The following GRHL2 variants were observed in gnomAD, a reference collection of about 807,000 sequenced individuals.
GRHL2 encodes grainyhead-like protein 2 homolog.
GRHL2 carries 21 observed loss-of-function variants against 83.8 expected under a neutral mutation model. The observed-to-expected ratio is 0.25, with a 90% confidence interval of 0.18 to 0.36. GRHL2 has a LOEUF of 0.36. Ranked by LOEUF, GRHL2 falls within the 10% of genes least tolerant of loss-of-function variation. The probability of loss-of-function intolerance (pLI) is 1.00; values close to 1 mark genes in which losing one functional copy is unlikely to be tolerated. For missense variants in GRHL2, 623 were observed against 781.8 expected, an observed-to-expected ratio of 0.80 and a Z score of 2.42; for synonymous variants, 280 against 278.9, an observed-to-expected ratio of 1.00 and a Z score of -0.04.
intron 4 of GRHL2, among the ~76,000 whole-genome samples, chr8:101,569,116 T>A (rs1264513322): frequency 6.6e-6 from 1 of 152,174 alleles, no homozygotes; most frequent in East Asian, 1.9e-4. Flanking sequence ...AAAATGGTCA[T>A]AGTGAAAAAA....
chr8:101,543,660 T>C, intron 2 of GRHL2: 2 of 567,320 alleles, frequency 3.5e-6, no homozygotes, highest in Non-Finnish European at 6.4e-6. Context: ...GATAATATTT[T>C]TTGTGTTCCT....
At chr8:101,500,925 C>T (rs1810216070) in intron 1 of GRHL2, among the ~76,000 whole-genome samples, 1 of 152,136 alleles carries the variant, frequency 6.6e-6, no homozygotes, top group Non-Finnish European at 1.5e-5. Flanking sequence ...TTGGGGATCT[C>T]TACCTCCCAT....
chr8:101,509,191 CT>C (rs1810411051), intron 1 of GRHL2, among the ~76,000 whole-genome samples: 1 of 43,070 alleles, frequency 2.3e-5, no homozygotes, highest in Admixed American at 2.8e-4. Flanking sequence ...TTTCTTTTCT[CT>C]CTTTCTTTCT....
intron 9 of GRHL2, 35 bp from the exon 10 acceptor site, chr8:101,631,602 C>A (rs1234347317): frequency 1.3e-6 from 2 of 1,540,796 alleles, no homozygotes; most frequent in Non-Finnish European, 9.0e-7. Flanking sequence ...TGCTAATATG[C>A]CTGGCATTTT....
intron 2 of GRHL2, among the ~76,000 whole-genome samples, chr8:101,550,568 T>G (rs1811357889): frequency 6.6e-6 from 1 of 152,200 alleles, no homozygotes; most frequent in Non-Finnish European, 1.5e-5. Flanking sequence ...AAATACTTAC[T>G]TCTTCCTTAA....
chr8:101,678,124 G>A, the GRHL2 span, among the ~76,000 whole-genome samples: 34 of 152,280 alleles, frequency 2.2e-4, no homozygotes, highest in African/African-American at 5.1e-4. Context: ...AGCTCCCAGC[G>A]TGAGCGACGC....
chr8:101,540,584 T>C (rs1050038161), intron 1 of GRHL2, among the ~76,000 whole-genome samples: 12 of 152,188 alleles, frequency 7.9e-5, no homozygotes, highest in African/African-American at 2.4e-4. Flanking sequence ...ATTTCCCATC[T>C]GCCCCACCCC....
downstream of GRHL2, among the ~76,000 whole-genome samples, chr8:101,671,382 G>C (rs1372792925): frequency 6.6e-6 from 1 of 152,228 alleles, no homozygotes; most frequent in African/African-American, 2.4e-5. Context: ...GTGGCTCGGA[G>C]GGTCCTACGC....
chr8:101,499,900 AC>A (rs1178007618), intron 1 of GRHL2, among the ~76,000 whole-genome samples: 1 of 151,656 alleles, frequency 6.6e-6, no homozygotes, highest in Non-Finnish European at 1.5e-5. Flanking sequence ...ATATGGTGAA[AC>A]CCCGTCTTTA....
chr8:101,551,073 G>A (rs1335724616), intron 2 of GRHL2, among the ~76,000 whole-genome samples: 4 of 152,160 alleles, frequency 2.6e-5, no homozygotes, highest in African/African-American at 4.8e-5. Flanking sequence ...GAACACAGGT[G>A]TGTTGAGTAT....
chr8:101,632,494 T>C (rs1346096497), intron 11 of GRHL2, 129 bp downstream of exon 11: 4 of 1,102,460 alleles, frequency 3.6e-6, no homozygotes, highest in African/African-American at 3.1e-5. Context: ...AAAAAGTCAA[T>C]GTCATTCCCT....
chr8:101,670,183 A>C (rs1314494617), downstream of GRHL2, among the ~76,000 whole-genome samples: 2 of 152,084 alleles, frequency 1.3e-5, no homozygotes, highest in Non-Finnish European at 2.9e-5. Context: ...GCTCCCTAAG[A>C]TCTGTTGGCT....
At chr8:101,569,432 C>T (rs1041792503) in intron 4 of GRHL2, among the ~76,000 whole-genome samples, 2 of 152,138 alleles carry the variant, frequency 1.3e-5, no homozygotes, top group Non-Finnish European at 2.9e-5. Flanking sequence ...ACATAGTGCT[C>T]ACTATGTACC....
chr8:101,547,200 A>G (rs1396856652), intron 2 of GRHL2, among the ~76,000 whole-genome samples: 7 of 150,858 alleles, frequency 4.6e-5, no homozygotes, highest in Non-Finnish European at 8.8e-5. Flanking sequence ...CTTTTTCTGT[A>G]GTCAAGTGAA....
Position 101,643,971 on chromosome 8 carries a change from C to T in GRHL2, c.1518-160C>T, listed in dbSNP as rs145156604. ...TGTGTGCTGCTTCAGACAGGGATTGCTTGGGACCTGCAAGGGGAAGAAGGA... is the reference window on the plus strand; with the variant it reads ...TGTGTGCTGCTTCAGACAGGGATTGTTTGGGACCTGCAAGGGGAAGAAGGA... On this transcript the variant is annotated intron_variant, in intron 12 of 15. Coordinates refer to ENST00000646743, the MANE Select transcript of GRHL2 (RefSeq NM_024915.4). Among the ~76,000 whole-genome samples, 522 of 152,310 alleles carry T rather than the reference C, an allele frequency of 3.4e-3. 7 individuals carry two copies. The highest frequency in any genetic ancestry group is 0.012 in the African/African-American group (499 of 41,580).
chr8:101,518,225 G>A (rs1265349298), intron 1 of GRHL2, among the ~76,000 whole-genome samples: 4 of 152,180 alleles, frequency 2.6e-5, no homozygotes, highest in Middle Eastern at 3.4e-3. Context: ...CCTGGTCAAC[G>A]TGGCAAAAAC....
intron 1 of GRHL2, among the ~76,000 whole-genome samples, chr8:101,498,151 C>T (rs1033478780): frequency 2.0e-5 from 3 of 152,186 alleles, no homozygotes; most frequent in African/African-American, 7.2e-5. Context: ...CAGAGTATTG[C>T]TCTGTTGCCC....
intron 1 of GRHL2, among the ~76,000 whole-genome samples, chr8:101,515,071 T>C (rs1307538009): frequency 6.6e-6 from 1 of 150,474 alleles, no homozygotes; most frequent in Non-Finnish European, 1.5e-5. Context: ...CCCTTGTTCC[T>C]ACCTCCCTCC....
At chr8:101,531,239 A>G (rs79195455) in intron 1 of GRHL2, among the ~76,000 whole-genome samples, 13 of 137,540 alleles carry the variant, frequency 9.5e-5, no homozygotes, top group South Asian at 2.3e-4. Context: ...AAAAAAAAAA[A>G]AGAGAACTCA....
Sources: gnomAD v4.1 joint callset for allele counts (sites outside exome capture counted in the v4.1 genomes callset) on GRCh38, gnomAD v4.1.1 for gene constraint, MANE v1.5 for transcripts, NCBI Gene and HGNC (gene_info 2026-07-23, HGNC 2026-07-21) for gene names.